The following NFYB variants were observed in gnomAD, a reference collection of about 807,000 sequenced individuals.
NFYB encodes the protein nuclear transcription factor Y subunit beta, also known as CAAT box DNA-binding protein subunit B.
A neutral mutation model predicts 28.0 loss-of-function variants in NFYB; 13 were observed. The ratio of observed to expected loss-of-function variants is 0.46; its 90% CI spans 0.30 to 0.74. NFYB has a LOEUF of 0.74. NFYB is among the 30% of genes least tolerant of loss of function. The pLI is 0.07. For synonymous variants in NFYB, 74 were observed against 75.0 expected (o/e 0.99, Z 0.07); for missense variants, 142 against 247.6 (o/e 0.57, Z 2.86).
intron 3 of NFYB, 134 bp downstream of exon 3, chr12:104,128,290 T>C (rs1443901930): frequency 1.9e-6 from 1 of 514,980 alleles, no homozygotes; most frequent in Non-Finnish European, 3.4e-6. Context: ...TTTTAGACTT[T>C]CTCATTGAAC....
rs571263866 is a variant in NFYB at position 104,130,896 on chromosome 12, T to C, written c.7-2379A>G. Among the ~76,000 whole-genome samples, 42 of 152,088 alleles carry C rather than the reference T, an allele frequency of 2.8e-4. 1 individual carries two copies. The highest frequency in any genetic ancestry group is 2.7e-3 in the Admixed American group (41 of 15,266). ...AAAGTGGTTGTTTCAGAGCCTACAATTGGAAACAAACTTTGGTTGGGGGTG... is the reference window on the plus strand; with the variant it reads ...AAAGTGGTTGTTTCAGAGCCTACAACTGGAAACAAACTTTGGTTGGGGGTG... On this transcript the variant is annotated intron_variant, in intron 2 of 7. Transcript: ENST00000240055.
intron 2 of NFYB, among the ~76,000 whole-genome samples, chr12:104,133,578 T>G (rs2030999184): frequency 6.6e-6 from 1 of 152,190 alleles, no homozygotes; most frequent in African/African-American, 2.4e-5. Flanking sequence ...GAAGCTATTG[T>G]ATAAAAAGCA....
intron 2 of NFYB, among the ~76,000 whole-genome samples, chr12:104,133,787 T>C (rs574299707): frequency 6.6e-6 from 1 of 152,272 alleles, no homozygotes; most frequent in East Asian, 1.9e-4. Context: ...CTATAATGTA[T>C]CTTCAATCCT....
Position 104,135,470 on chromosome 12 carries a change from C to G in NFYB, c.-17G>C, listed in dbSNP as rs2031067508. 1 of 1,582,902 alleles carries G rather than the reference C, an allele frequency of 6.3e-7. No homozygotes were observed. Among genetic ancestry groups the G allele is most frequent in the Admixed American group, 1.8e-5 (1 of 54,242 alleles). On this transcript the variant is annotated 5_prime_UTR_variant, in exon 2 of 8. Transcript: ENST00000240055. ...TACTGTCATGAAATACTGTCAGAAC[C>G]GTGTTGTCAGTGGTGCTGAAGAACA...
chr12:104,117,551 T>C lies in NFYB; in HGVS notation c.*2186A>G, dbSNP rs1489066087. The C allele has an allele frequency of 6.6e-6, 1 of 152,070 alleles. No individual in the cohort carries two copies. Among genetic ancestry groups the C allele is most frequent in the African/African-American group, 2.4e-5 (1 of 41,392 alleles). 9.4% of individuals were successfully genotyped at this position (152,070 alleles called of 1,614,324 possible). Reference sequence around the variant, plus strand: ...CCACCAGGGAGTAAGGGACTACAGGTGTGCACCACCACACCCTGCTAATTT... The same window carrying C: ...CCACCAGGGAGTAAGGGACTACAGGCGTGCACCACCACACCCTGCTAATTT... On this transcript the variant is annotated 3_prime_UTR_variant, in exon 8 of 8. Coordinates refer to ENST00000240055, the MANE Select transcript of NFYB (RefSeq NM_006166.4).
intron 4 of NFYB, among the ~76,000 whole-genome samples, chr12:104,123,902 A>C (rs1418302307): frequency 1.3e-5 from 2 of 152,218 alleles, no homozygotes; most frequent in Non-Finnish European, 2.9e-5. Context: ...CGGAGGTTGC[A>C]GTGAGCCGAG....
chr12:104,120,807 A>G (rs747943558), intron 6 of NFYB, among the ~76,000 whole-genome samples: 3 of 152,224 alleles, frequency 2.0e-5, no homozygotes, highest in Non-Finnish European at 4.4e-5. Context: ...GGAGCAACAT[A>G]TAACTGAGCA....
chr12:104,135,474 T>C lies in NFYB; in HGVS notation c.-21A>G. On this transcript the variant is annotated 5_prime_UTR_variant, in exon 2 of 8. Transcript: ENST00000240055. ...GTCATGAAATACTGTCAGAACCGTG[T>C]TGTCAGTGGTGCTGAAGAACACCTA... The C allele has an allele frequency of 1.3e-6, 2 of 1,581,846 alleles. No individual in the cohort carries two copies. The highest frequency in any genetic ancestry group is 1.4e-5 in the African/African-American group (1 of 73,116).
rs1464253512 is a variant in NFYB at position 104,135,444 on chromosome 12, T to C, written c.6+4A>G. On this transcript the variant is annotated splice_donor_region_variant and intron_variant, in intron 2 of 7. Coordinates refer to ENST00000240055, the MANE Select transcript of NFYB (RefSeq NM_006166.4). ...TAACAACCAAAATGGTAAAATATAC[T>C]TACTGTCATGAAATACTGTCAGAAC... is the stretch of plus-strand genomic sequence containing the variant. 2 of 1,591,086 alleles carry C rather than the reference T, an allele frequency of 1.3e-6. No individual in the cohort carries two copies. The highest frequency in any genetic ancestry group is 3.6e-5 in the Admixed American group (2 of 55,158).
At chr12:104,129,934 CAAGAAT>C (rs758940390) in intron 2 of NFYB, among the ~76,000 whole-genome samples, 1 of 151,910 alleles carries the variant, frequency 6.6e-6, no homozygotes, top group Non-Finnish European at 1.5e-5. Flanking sequence ...CCTGCACAGA[CAAGAAT>C]AAGAGTTAAA....
chr12:104,122,739 C>T (rs1441226696), intron 5 of NFYB, among the ~76,000 whole-genome samples: 2 of 152,138 alleles, frequency 1.3e-5, no homozygotes, highest in Non-Finnish European at 1.5e-5. Context: ...AAACAGGTCC[C>T]TGGTGCCAAA....
intron 5 of NFYB, among the ~76,000 whole-genome samples, chr12:104,121,922 G>A (rs61939191): frequency 2.0e-5 from 3 of 152,186 alleles, no homozygotes; most frequent in African/African-American, 7.2e-5. Context: ...ATGTGAATCT[G>A]ACACCTAAGC....
intron 5 of NFYB, among the ~76,000 whole-genome samples, chr12:104,122,556 C>G (rs987663015): frequency 7.9e-5 from 12 of 152,182 alleles, no homozygotes; most frequent in African/African-American, 2.7e-4. Context: ...GTGAGATTCT[C>G]ATAGGCGCTG....
chr12:104,117,144 AGAG>A lies in NFYB; in HGVS notation c.*2590_*2592del, dbSNP rs1393000623. 2.6e-5 allele frequency: 4 copies of A among 152,228 alleles called. No homozygotes were observed. The highest frequency in any genetic ancestry group is 7.2e-5 in the African/African-American group (3 of 41,456). 9.4% of individuals were successfully genotyped at this position (152,228 alleles called of 1,614,324 possible). On this transcript the variant is annotated 3_prime_UTR_variant, in exon 8 of 8. Coordinates refer to ENST00000240055, the MANE Select transcript of NFYB (RefSeq NM_006166.4). ...GGAGCTTGCATACATAAGAAGTTCC[AGAG>A]GAGAAAACATGACATTCAGTTAAAT...
At chr12:104,124,190 A>AT (rs1331482173) in intron 4 of NFYB, among the ~76,000 whole-genome samples, 2 of 152,230 alleles carry the variant, frequency 1.3e-5, no homozygotes, top group Non-Finnish European at 2.9e-5. Context: ...CTGAATTCAC[A>AT]TAAGGCTTGG....
chr12:104,130,924 G>A (rs2030899468), intron 2 of NFYB, among the ~76,000 whole-genome samples: 1 of 152,178 alleles, frequency 6.6e-6, no homozygotes, highest in African/African-American at 2.4e-5. Context: ...TGGGGGTGGG[G>A]AGGGCAGGCG....
rs770945070 is a variant in NFYB, at chr12:104,120,495, T to A, written c.512-16A>T. 5 of 1,586,460 alleles carry A rather than the reference T, an allele frequency of 3.2e-6. No homozygotes were observed. The highest frequency in any genetic ancestry group is 1.3e-5 in the African/African-American group (1 of 74,372). On this transcript the variant is annotated splice_polypyrimidine_tract_variant and intron_variant, in intron 6 of 7. Coordinates refer to ENST00000240055, the MANE Select transcript of NFYB (RefSeq NM_006166.4). Reference sequence around the variant, plus strand: ...AACTGGTTAGCTAAAAGAAAAAAAATTAGTTAAAGAGGGAAATGAACTATA... The same window carrying A: ...AACTGGTTAGCTAAAAGAAAAAAAAATAGTTAAAGAGGGAAATGAACTATA...
chr12:104,119,795 C>A, intron 7 of NFYB, 26 bp from the exon 8 acceptor site: 2 of 1,527,888 alleles, frequency 1.3e-6, no homozygotes, highest in Non-Finnish European at 9.0e-7. Context: ...TTAAATTGAG[C>A]AGAATTAAAG....
chr12:104,123,753 A>C (rs757319063), intron 4 of NFYB, among the ~76,000 whole-genome samples: 6 of 152,206 alleles, frequency 3.9e-5, no homozygotes, highest in Non-Finnish European at 8.8e-5. Flanking sequence ...TGAGGTCAGG[A>C]GTTCAAGACC....
Sources: gnomAD v4.1 joint callset for allele counts (sites outside exome capture counted in the v4.1 genomes callset) on GRCh38, gnomAD v4.1.1 for gene constraint, MANE v1.5 for transcripts, NCBI Gene and HGNC (gene_info 2026-07-23, HGNC 2026-07-21) for gene names.